KLHL6: variants seen among roughly 807,000 people sequenced by gnomAD.
KLHL6 encodes kelch like family member 6, also known as kelch-like protein 6.
In KLHL6, 41 loss-of-function variants were observed where a neutral mutation model predicts 58.6. That is an observed-to-expected ratio of 0.70 (90% CI 0.55 to 0.91). KLHL6 has a LOEUF of 0.91. Among genes scored for constraint, KLHL6 ranks in the 40% least tolerant of loss-of-function variants. The pLI is 0.00. For missense variants in KLHL6, 714 were observed against 805.6 expected (o/e 0.89, Z 1.38); for synonymous variants, 338 against 322.7 (o/e 1.05, Z -0.51).
rs1239466786 is a variant in KLHL6, at chr3:183,488,250, C to T, written c.*3677G>A. ...CCGCTCCACCAAAGACTCTGGGCCA[C>T]CTTCCCTCTAGGACAGGAGACCCAG... On this transcript the variant is annotated 3_prime_UTR_variant, in exon 7 of 7. Coordinates refer to ENST00000341319, the MANE Select transcript of KLHL6 (RefSeq NM_130446.4). 2 of 152,236 alleles carry T rather than the reference C, an allele frequency of 1.3e-5. No individual in the cohort carries two copies. The highest frequency in any genetic ancestry group is 4.8e-5 in the African/African-American group (2 of 41,436). 9.4% of individuals were successfully genotyped at this position (152,236 alleles called of 1,614,324 possible).
At chr3:183,497,885 A>T (rs1437765840) in intron 4 of KLHL6, among the ~76,000 whole-genome samples, 1 of 152,266 alleles carries the variant, frequency 6.6e-6, no homozygotes, top group African/African-American at 2.4e-5. Context: ...TAGAATTGTG[A>T]TGGCACAGAG....
At chr3:183,544,163 C>CAAAAAAAAAAAAAAAAAAAAAA (rs56357226) in intron 1 of KLHL6, among the ~76,000 whole-genome samples, 1 of 57,008 alleles carries the variant, frequency 1.8e-5, no homozygotes, top group Non-Finnish European at 3.5e-5. Context: ...AACTCAGTCT[C>CAAAAAAAAAAAAAAAAAAAAAA]AAAAAAAAAA....
chr3:183,555,539 C>G lies in KLHL6; in HGVS notation c.115G>C (p.Val39Leu), dbSNP rs757528310. 1 of 1,614,158 alleles carries G rather than the reference C, an allele frequency of 6.2e-7. No homozygotes were observed. Among genetic ancestry groups the G allele is most frequent in the Non-Finnish European group, 8.5e-7 (1 of 1,180,020 alleles). Residue 39 changes from valine to leucine, a missense_variant, in exon 1 of 7, where the codon GTC becomes CTC. This residue lies in a region of KLHL6 where 204 missense variants were observed against 175.9 expected (regional missense o/e 1.16). Transcript: ENST00000341319. ...ACCTTTTCCCCATTTAAGATCTCGA[C>G]CAAGTCTCCTGTTTTCTGGGAGGGC... is the stretch of plus-strand genomic sequence containing the variant. ...DEPSQKTGDLVEILNGEKVKF... is the reference protein window; with the variant it reads ...DEPSQKTGDLLEILNGEKVKF...
At chr3:183,510,235 G>C (rs1718142465) in intron 2 of KLHL6, among the ~76,000 whole-genome samples, 1 of 141,912 alleles carries the variant, frequency 7.0e-6, no homozygotes, top group Admixed American at 8.0e-5. Context: ...ATAGGGTCAA[G>C]TTCTTGGTGC....
chr3:183,490,812 G>C lies in KLHL6; in HGVS notation c.*1115C>G. ...TTCATCTCAAAAAAAAAAAAAAGAG[G>C]GTTTCAATGGGAGGAGGACAGAACA... On this transcript the variant is annotated 3_prime_UTR_variant, in exon 7 of 7. Transcript: ENST00000341319. 6.6e-6 allele frequency: 1 copy of C among 151,588 alleles called. No individual in the cohort carries two copies. The highest frequency in any genetic ancestry group is 1.5e-5 in the Non-Finnish European group (1 of 68,022). The allele number at this position is 151,588 out of a possible 1,614,324, so 9.4% of individuals were successfully genotyped here.
chr3:183,524,736 CA>C (rs1711892429), intron 2 of KLHL6, among the ~76,000 whole-genome samples: 1 of 152,188 alleles, frequency 6.6e-6, no homozygotes, highest in Admixed American at 6.5e-5. Context: ...AGCTGAGTCA[CA>C]CCAATGGTGA....
At chr3:183,542,940 T>C (rs1399546725) in intron 1 of KLHL6, among the ~76,000 whole-genome samples, 1 of 152,188 alleles carries the variant, frequency 6.6e-6, no homozygotes, top group Non-Finnish European at 1.5e-5. Flanking sequence ...CACTCAGCAC[T>C]GTAGTTCTGA....
Position 183,500,601 on chromosome 3 carries a change from G to C in KLHL6, c.910-774C>G, listed in dbSNP as rs137884656. On this transcript the variant is annotated intron_variant, in intron 3 of 6. Transcript: ENST00000341319. ...GTGAGCATTCATAAGGTATGAGGTA[G>C]AGGCGTGAGCAGAGCACCTGGCACA... Among the ~76,000 whole-genome samples, 7 of 152,324 alleles carry C rather than the reference G, an allele frequency of 4.6e-5. No individual in the cohort carries two copies. The East Asian group carries it at 1.3e-3, about 29-fold the overall frequency.
rs1480877896 is a variant in KLHL6 at position 183,488,449 on chromosome 3, C to T, written c.*3478G>A. 1.3e-5 allele frequency: 2 copies of T among 152,684 alleles called. No individual in the cohort carries two copies. The highest frequency in any genetic ancestry group is 4.8e-5 in the African/African-American group (2 of 41,468). 9.5% of individuals were successfully genotyped at this position (152,684 alleles called of 1,614,324 possible). A position where few individuals can be genotyped will look rare whatever the true frequency, so the allele number is the denominator to read the frequency against. On this transcript the variant is annotated 3_prime_UTR_variant, in exon 7 of 7. Transcript: ENST00000341319. The stretch of plus-strand genomic sequence containing the variant: ...GAGCCAAGCTCACAAACTCCAGGGC[C>T]TCCGATATCATTTTCCAGACCTGCA...
chr3:183,490,185 A>C lies in KLHL6; in HGVS notation c.*1742T>G, dbSNP rs1717505102. On this transcript the variant is annotated 3_prime_UTR_variant, in exon 7 of 7. Transcript: ENST00000341319. The stretch of plus-strand genomic sequence containing the variant: ...GTTCTTTAAGTCACAATTGAGCTAC[A>C]CTGATCAAAAAACCAAGTAGAAGTG... The C allele has an allele frequency of 6.6e-6, 1 of 152,176 alleles. No individual in the cohort carries two copies. The highest frequency in any genetic ancestry group is 1.5e-5 in the Non-Finnish European group (1 of 68,024). 9.4% of individuals were successfully genotyped at this position (152,176 alleles called of 1,614,324 possible).
intron 1 of KLHL6, among the ~76,000 whole-genome samples, chr3:183,537,068 G>C (rs555709521): frequency 6.6e-6 from 1 of 152,178 alleles, no homozygotes; most frequent in South Asian, 2.1e-4. Context: ...ACACTACCCT[G>C]GCCATGGCCA....
intron 1 of KLHL6, among the ~76,000 whole-genome samples, chr3:183,531,347 C>G (rs1577196299): frequency 6.6e-6 from 1 of 151,720 alleles, no homozygotes; most frequent in Middle Eastern, 3.4e-3. Context: ...AAGGATTATT[C>G]TGAAGCCTTG....
chr3:183,530,166 TG>T (rs773066035), intron 1 of KLHL6, among the ~76,000 whole-genome samples: 5 of 151,974 alleles, frequency 3.3e-5, no homozygotes, highest in Non-Finnish European at 5.9e-5. Flanking sequence ...TACTGAGAAG[TG>T]GGGCGCTGCT....
Position 183,528,001 on chromosome 3 carries a change from G to A in KLHL6, c.303C>T (p.Phe101=), listed in dbSNP as rs749833701. 87 of 1,614,004 alleles carry A rather than the reference G, an allele frequency of 5.4e-5. 1 individual carries two copies. The South Asian group carries it at 7.7e-4, about 14-fold the overall frequency. The part of the protein sequence containing the change: ...AAASNYFRAM[F]CNDLKEKYEK... ...CATACTTTTCCTTTAAATCGTTGCA[G>A]AACATGGCCCTGGAAGAGAAATGTG... Residue 101 remains phenylalanine, a synonymous_variant, in exon 2 of 7, where the codon TTC becomes TTT. Coordinates refer to ENST00000341319, the MANE Select transcript of KLHL6 (RefSeq NM_130446.4).
intron 1 of KLHL6, among the ~76,000 whole-genome samples, chr3:183,546,657 C>T (rs893443014): frequency 1.3e-5 from 2 of 152,174 alleles, no homozygotes; most frequent in South Asian, 4.1e-4. Flanking sequence ...TCGAATAAGC[C>T]AGAGTTGATT....
In KLHL6 at chr3:183,555,691, A is replaced by G. The variant is rs764555220; in HGVS notation, c.-38T>C. 5 of 1,536,846 alleles carry G rather than the reference A, an allele frequency of 3.3e-6. No homozygotes were observed. The highest frequency in any genetic ancestry group is 1.3e-5 in the South Asian group (1 of 77,986). On this transcript the variant is annotated 5_prime_UTR_variant, in exon 1 of 7. An upstream start codon of the reference 5' UTR is lost. Coordinates refer to ENST00000341319, the MANE Select transcript of KLHL6 (RefSeq NM_130446.4). Reference sequence around the variant, plus strand: ...AGCGCCCAAGTGTCAGGCAGGCCCCATTGCAGGAGCTGAGCGGATTTCCTG... The same window carrying G: ...AGCGCCCAAGTGTCAGGCAGGCCCCGTTGCAGGAGCTGAGCGGATTTCCTG...
At chr3:183,527,322 A>G (rs887037089) in intron 2 of KLHL6, among the ~76,000 whole-genome samples, 7 of 152,236 alleles carry the variant, frequency 4.6e-5, no homozygotes, top group African/African-American at 1.4e-4. Flanking sequence ...ATGATGAGTC[A>G]AGTGACTAGC....
intron 3 of KLHL6, among the ~76,000 whole-genome samples, chr3:183,507,755 C>T (rs960640318): frequency 1.3e-5 from 2 of 152,092 alleles, no homozygotes; most frequent in Admixed American, 6.6e-5. Flanking sequence ...CTTGTTTGTG[C>T]GTGCAGTGTG....
chr3:183,532,037 G>A (rs988588117), intron 1 of KLHL6, among the ~76,000 whole-genome samples: 6 of 152,194 alleles, frequency 3.9e-5, no homozygotes, highest in African/African-American at 1.4e-4. Context: ...GGCCAAGTAT[G>A]GAATGTCATG....
Sources: allele counts gnomAD v4.1 joint callset (sites outside exome capture counted in the v4.1 genomes callset), GRCh38; gene constraint gnomAD v4.1.1; regional missense constraint gnomAD v4.1.1; transcripts MANE v1.5; gene names NCBI Gene and HGNC (gene_info 2026-07-23, HGNC 2026-07-21).